The following SYNDIG1 variants were observed in gnomAD, a reference collection of about 807,000 sequenced individuals.
The protein encoded by SYNDIG1 is synapse differentiation inducing 1, also known as synapse differentiation-inducing gene protein 1.
In SYNDIG1, 9 loss-of-function variants were observed where a neutral mutation model predicts 19.4. The ratio of observed to expected loss-of-function variants is 0.46; its 90% CI spans 0.28 to 0.81. The LOEUF is 0.81. Among genes scored for constraint, SYNDIG1 ranks in the 30% least tolerant of loss-of-function variants. The pLI, the probability that SYNDIG1 is intolerant of heterozygous loss-of-function variation, is 0.12. For missense variants in SYNDIG1, 311 were observed against 343.3 expected, an observed-to-expected ratio of 0.91 and a Z score of 0.74; for synonymous variants, 141 against 145.9, an observed-to-expected ratio of 0.97 and a Z score of 0.24.
At chr20:24,655,085 C>T (rs774921620) in intron 3 of SYNDIG1, among the ~76,000 whole-genome samples, 14 of 152,140 alleles carry the variant, frequency 9.2e-5, no homozygotes, top group South Asian at 8.3e-4. Context: ...AAAACTGTAA[C>T]GTCAAAGGGA....
In SYNDIG1 at chr20:24,537,173, T is replaced by C. The variant is rs142687444; in HGVS notation, c.-78-5847T>C. Among the ~76,000 whole-genome samples the C allele has an allele frequency of 1.8e-3, 278 of 152,104 alleles. 3 individuals carry two copies. The highest frequency in any genetic ancestry group is 4.6e-3 in the African/African-American group (193 of 41,528). On this transcript the variant is annotated intron_variant, in intron 1 of 3. Coordinates refer to ENST00000376862, the MANE Select transcript of SYNDIG1 (RefSeq NM_024893.3). ...GCCTCCTCCTCTGCTTCCTAAACAC[T>C]ACCTATGCTGTTCCCTCTGCCTGGA...
intron 2 of SYNDIG1, among the ~76,000 whole-genome samples, chr20:24,561,705 G>C (rs968182184): frequency 6.6e-6 from 1 of 152,112 alleles, no homozygotes; most frequent in Non-Finnish European, 1.5e-5. Flanking sequence ...TTGTTTCCTG[G>C]GCATGAGATC....
intron 3 of SYNDIG1, among the ~76,000 whole-genome samples, chr20:24,610,427 T>C (rs2058828195): frequency 6.6e-6 from 1 of 152,150 alleles, no homozygotes; most frequent in African/African-American, 2.4e-5. Context: ...CTCGGAAGCA[T>C]GTTTATGCAT....
intron 1 of SYNDIG1, among the ~76,000 whole-genome samples, chr20:24,533,133 C>T (rs1457581714): frequency 1.3e-5 from 2 of 151,988 alleles, no homozygotes; most frequent in Non-Finnish European, 2.9e-5. Flanking sequence ...GAGTCATTCT[C>T]CTAGGAACTG....
At chr20:24,558,596 G>A (rs538388585) in intron 2 of SYNDIG1, among the ~76,000 whole-genome samples, 126 of 152,246 alleles carry the variant, frequency 8.3e-4, no homozygotes, top group African/African-American at 2.8e-3. Flanking sequence ...TGGTTTAGTA[G>A]TTATTATTGT....
intron 3 of SYNDIG1, among the ~76,000 whole-genome samples, chr20:24,595,793 ACTCT>A (rs2058585690): frequency 6.6e-6 from 1 of 151,562 alleles, no homozygotes; most frequent in Non-Finnish European, 1.5e-5. Context: ...AGTTCGTGGT[ACTCT>A]CTGAGAGTTT....
intron 2 of SYNDIG1, among the ~76,000 whole-genome samples, chr20:24,552,194 A>AT (rs1477001750): frequency 5.9e-5 from 9 of 152,154 alleles, no homozygotes; most frequent in African/African-American, 7.2e-5. Context: ...ACTGTTGGCC[A>AT]TTTTATTATA....
At chr20:24,620,714 T>C (rs1568691151) in intron 3 of SYNDIG1, among the ~76,000 whole-genome samples, 1 of 152,228 alleles carries the variant, frequency 6.6e-6, no homozygotes, top group Admixed American at 6.5e-5. Flanking sequence ...TTTGGGACTA[T>C]ATAGTCTGCC....
At chr20:24,547,312 G>A (rs1346397915) in intron 2 of SYNDIG1, among the ~76,000 whole-genome samples, 4 of 152,218 alleles carry the variant, frequency 2.6e-5, no homozygotes, top group South Asian at 2.1e-4. Flanking sequence ...CGGCCTGTCT[G>A]ACATATGTTT....
At chr20:24,628,740 C>G (rs917954945) in intron 3 of SYNDIG1, among the ~76,000 whole-genome samples, 3 of 152,206 alleles carry the variant, frequency 2.0e-5, no homozygotes, top group African/African-American at 7.2e-5. Flanking sequence ...GCACACACCC[C>G]TGCTCCACCC....
chr20:24,516,294 A>G (rs567866919), intron 1 of SYNDIG1, among the ~76,000 whole-genome samples: 244 of 152,352 alleles, frequency 1.6e-3, no homozygotes, highest in African/African-American at 5.0e-3. Context: ...TGTCTAAAAC[A>G]CCAAAAGCAA....
At chr20:24,470,964 T>G (rs1600356034) in intron 1 of SYNDIG1, among the ~76,000 whole-genome samples, 4 of 140,752 alleles carry the variant, frequency 2.8e-5, no homozygotes, top group South Asian at 2.4e-4. Flanking sequence ...TGATTGGGGG[T>G]GTCGAGGGGA....
intron 3 of SYNDIG1, among the ~76,000 whole-genome samples, chr20:24,585,637 G>T (rs6036842): frequency 3.4e-4 from 52 of 152,262 alleles, no homozygotes; most frequent in African/African-American, 1.1e-3. Context: ...TGAAATATTT[G>T]GAAGGAATTT....
At chr20:24,604,829 G>T (rs956306509) in intron 3 of SYNDIG1, among the ~76,000 whole-genome samples, 4 of 152,124 alleles carry the variant, frequency 2.6e-5, no homozygotes, top group Non-Finnish European at 5.9e-5. Context: ...ACCCTCTCTT[G>T]AGGTCTGGAT....
intron 2 of SYNDIG1, among the ~76,000 whole-genome samples, chr20:24,556,091 GTTTAAAGTCTGT>G (rs2057809767): frequency 6.6e-6 from 1 of 151,978 alleles, no homozygotes; most frequent in East Asian, 1.9e-4. Flanking sequence ...ATCTTTGTTG[GTTTAAAGTCTGT>G]TTTATCAGAG....
chr20:24,640,815 A>G (rs528167460), intron 3 of SYNDIG1, among the ~76,000 whole-genome samples: 2 of 152,244 alleles, frequency 1.3e-5, no homozygotes, highest in South Asian at 2.1e-4. Flanking sequence ...CAAACTAGCA[A>G]CCCGATAGCA....
At chr20:24,576,089 C>G (rs1297607025) in intron 2 of SYNDIG1, among the ~76,000 whole-genome samples, 2 of 152,158 alleles carry the variant, frequency 1.3e-5, no homozygotes, top group Non-Finnish European at 2.9e-5. Context: ...CTGTGACGTC[C>G]CTCAAAAACC....
chr20:24,501,734 T>G (rs1464393882), intron 1 of SYNDIG1, among the ~76,000 whole-genome samples: 1 of 152,218 alleles, frequency 6.6e-6, no homozygotes, highest in Non-Finnish European at 1.5e-5. Context: ...GCTTCCGATA[T>G]TATTCATCTG....
Position 24,658,170 on chromosome 20 carries a change from G to A in SYNDIG1, c.619-7176G>A, listed in dbSNP as rs1412236369. Among the ~76,000 whole-genome samples, 1 of 152,170 alleles carries A rather than the reference G, an allele frequency of 6.6e-6. No homozygotes were observed. Among genetic ancestry groups the A allele is most frequent in the Non-Finnish European group, 1.5e-5 (1 of 68,032 alleles). Reference sequence around the variant, plus strand: ...TTTCCAAAACCTCAAACGACAGTGGGTATTTTCCAGCCAAAGGACAAGCAA... The same window carrying A: ...TTTCCAAAACCTCAAACGACAGTGGATATTTTCCAGCCAAAGGACAAGCAA... On this transcript the variant is annotated intron_variant, in intron 3 of 3. Coordinates refer to ENST00000376862, the MANE Select transcript of SYNDIG1 (RefSeq NM_024893.3). This position sits in a 1 kb window ranked among gnomAD's most constrained non-coding sequence, Gnocchi z 4.4.
Sources: gnomAD v4.1 joint callset for allele counts (sites outside exome capture counted in the v4.1 genomes callset) on GRCh38, gnomAD v4.1.1 for gene constraint, Gnocchi (gnomAD v3.1) non-coding constraint, MANE v1.5 for transcripts, NCBI Gene and HGNC (gene_info 2026-07-23, HGNC 2026-07-21) for gene names.